The following IMMP2L variants were observed in gnomAD, a reference collection of about 807,000 sequenced individuals.
IMMP2L encodes mitochondrial inner membrane protease subunit 2.
A neutral mutation model predicts 19.3 loss-of-function variants in IMMP2L; 18 were observed. That is an observed-to-expected ratio of 0.93 (90% CI 0.64 to 1.38). IMMP2L has a LOEUF of 1.38. IMMP2L is among the 40% of genes most tolerant of loss of function. The pLI is 0.00. For missense variants in IMMP2L, 233 were observed against 218.2 expected (o/e 1.07, Z -0.43); for synonymous variants, 76 against 73.0 (o/e 1.04, Z -0.21).
intron 3 of IMMP2L, among the ~76,000 whole-genome samples, chr7:111,355,160 C>A (rs890106464): frequency 6.6e-6 from 1 of 151,676 alleles, no homozygotes; most frequent in Non-Finnish European, 1.5e-5. Flanking sequence ...ATATAAAGAA[C>A]AATGGTTGCC....
At chr7:110,965,433 T>G (rs1819433556) in intron 3 of IMMP2L, among the ~76,000 whole-genome samples, 1 of 151,476 alleles carries the variant, frequency 6.6e-6, no homozygotes, top group Admixed American at 6.6e-5. Context: ...TAGTTGCATT[T>G]ATTTGTAACA....
chr7:111,530,060 G>C (rs1319057222), intron 1 of IMMP2L, among the ~76,000 whole-genome samples: 2 of 152,148 alleles, frequency 1.3e-5, no homozygotes, highest in Non-Finnish European at 2.9e-5. Context: ...AGCAGCATCA[G>C]CAAAGAGGGA....
At chr7:111,468,516 T>C (rs1749688396) in intron 3 of IMMP2L, among the ~76,000 whole-genome samples, 2 of 152,104 alleles carry the variant, frequency 1.3e-5, no homozygotes, top group Admixed American at 6.6e-5. Flanking sequence ...TCTTGACTTT[T>C]AGAGGAGAGA....
At chr7:110,839,251 TTA>T (rs1396280800) in intron 5 of IMMP2L, among the ~76,000 whole-genome samples, 3 of 152,108 alleles carry the variant, frequency 2.0e-5, no homozygotes, top group Non-Finnish European at 4.4e-5. Context: ...CAAATATGTA[TTA>T]GTTATGAATG....
intron 5 of IMMP2L, among the ~76,000 whole-genome samples, chr7:110,677,554 A>G (rs1291928780): frequency 6.6e-6 from 1 of 152,156 alleles, no homozygotes; most frequent in East Asian, 1.9e-4. Context: ...GCATGCACAC[A>G]GAATGCTTCC....
intron 5 of IMMP2L, among the ~76,000 whole-genome samples, chr7:110,733,837 T>A (rs1296434077): frequency 6.6e-6 from 1 of 152,124 alleles, no homozygotes; most frequent in Non-Finnish European, 1.5e-5. Flanking sequence ...ATTCATCCAT[T>A]CCATCATGTG....
At chr7:111,419,047 C>T (rs548477465) in intron 3 of IMMP2L, among the ~76,000 whole-genome samples, 1 of 151,772 alleles carries the variant, frequency 6.6e-6, no homozygotes, top group East Asian at 1.9e-4. Flanking sequence ...AAAGCCACTG[C>T]CATAGGTGGA....
At chr7:110,718,135 G>A (rs898395835) in intron 5 of IMMP2L, among the ~76,000 whole-genome samples, 6 of 152,306 alleles carry the variant, frequency 3.9e-5, no homozygotes, top group Admixed American at 2.6e-4. Context: ...AGTAAATGAA[G>A]AGATGATGAT....
chr7:111,537,385 C>T (rs1847977949), intron 1 of IMMP2L, among the ~76,000 whole-genome samples: 2 of 151,984 alleles, frequency 1.3e-5, no homozygotes, highest in Non-Finnish European at 2.9e-5. Flanking sequence ...AGTGAGCATT[C>T]ATGAAAAAAA....
At chr7:111,425,646 T>A (rs1836002437) in intron 3 of IMMP2L, among the ~76,000 whole-genome samples, 1 of 151,178 alleles carries the variant, frequency 6.6e-6, no homozygotes, top group Non-Finnish European at 1.5e-5. Flanking sequence ...CTTCTCTGTA[T>A]GTTTGAAAAT....
intron 5 of IMMP2L, among the ~76,000 whole-genome samples, chr7:110,836,687 GCAT>G (rs1462465963): frequency 6.6e-6 from 1 of 152,138 alleles, no homozygotes; most frequent in African/African-American, 2.4e-5. Flanking sequence ...ATTCTCTCAT[GCAT>G]CATAAGTTAT....
At chr7:111,134,921 T>G (rs765939794) in intron 3 of IMMP2L, among the ~76,000 whole-genome samples, 1 of 152,072 alleles carries the variant, frequency 6.6e-6, no homozygotes, top group African/African-American at 2.4e-5. Flanking sequence ...CATTTCACTA[T>G]GGTATCAATA....
At chr7:111,387,783 C>G (rs926117405) in intron 3 of IMMP2L, among the ~76,000 whole-genome samples, 1 of 151,798 alleles carries the variant, frequency 6.6e-6, no homozygotes, top group Non-Finnish European at 1.5e-5. Flanking sequence ...CAAGATCACC[C>G]TGGCCAACAT....
intron 3 of IMMP2L, among the ~76,000 whole-genome samples, chr7:111,397,898 T>G (rs1238657911): frequency 1.3e-5 from 2 of 152,140 alleles, no homozygotes; most frequent in African/African-American, 4.8e-5. Flanking sequence ...TTTCCTTCAT[T>G]ATATGTCCCT....
At chr7:110,798,588 A>G (rs1801025940) in intron 5 of IMMP2L, among the ~76,000 whole-genome samples, 1 of 152,016 alleles carries the variant, frequency 6.6e-6, no homozygotes, top group Non-Finnish European at 1.5e-5. Flanking sequence ...AAAACGTTAT[A>G]CCAATTTGTA....
intron 3 of IMMP2L, among the ~76,000 whole-genome samples, chr7:111,314,923 G>A (rs1823892003): frequency 6.6e-6 from 1 of 152,054 alleles, no homozygotes; most frequent in Non-Finnish European, 1.5e-5. Flanking sequence ...TGTCATGACT[G>A]TTTGACAGAA....
In IMMP2L at chr7:111,420,639, G is replaced by A. The variant is rs547992140; in HGVS notation, c.239+66599C>T. On this transcript the variant is annotated intron_variant, in intron 3 of 5. Coordinates refer to ENST00000405709, the MANE Select transcript of IMMP2L (RefSeq NM_032549.4). ...ATCTCATTGTTCAATTCCCACCTAT[G>A]AGTGAGAACATGCGGTGTCTGGTTT... Among the ~76,000 whole-genome samples the A allele has an allele frequency of 7.0e-4, 95 of 135,846 alleles. 3 individuals carry two copies. The highest frequency in any genetic ancestry group is 2.2e-3 in the African/African-American group (79 of 35,810). 89.1% of individuals were successfully genotyped at this position (135,846 alleles called of 152,430 possible). A position where few individuals can be genotyped will look rare whatever the true frequency, so the allele number is the denominator to read the frequency against.
chr7:110,962,546 T>C (rs1200082885), intron 4 of IMMP2L: 4 of 168,756 alleles, frequency 2.4e-5, no homozygotes, highest in African/African-American at 9.6e-5. Context: ...ATATTACATA[T>C]CTGGAAAATT....
chr7:111,431,852 T>G (rs1308867944), intron 3 of IMMP2L, among the ~76,000 whole-genome samples: 1 of 151,774 alleles, frequency 6.6e-6, no homozygotes, highest in African/African-American at 2.4e-5. Flanking sequence ...TGTCTAAGAA[T>G]TGGAAAAACA....
Sources: allele counts gnomAD v4.1 joint callset (sites outside exome capture counted in the v4.1 genomes callset), GRCh38; gene constraint gnomAD v4.1.1; transcripts MANE v1.5; gene names NCBI Gene and HGNC (gene_info 2026-07-23, HGNC 2026-07-21).